IGSF11: variants seen among roughly 807,000 people sequenced by gnomAD.
IGSF11 encodes the protein immunoglobulin superfamily member 11.
A neutral mutation model predicts 41.0 loss-of-function variants in IGSF11; 22 were observed. The observed-to-expected ratio is 0.54, with a 90% CI of 0.38 to 0.77. The LOEUF is 0.77. Ranked by LOEUF, IGSF11 falls within the 30% of genes least tolerant of loss-of-function variation. The probability of loss-of-function intolerance (pLI) is 0.00; values close to 1 mark genes in which losing one functional copy is unlikely to be tolerated. For missense variants in IGSF11, 444 were observed against 530.8 expected, an observed-to-expected ratio of 0.84 and a Z score of 1.61; for synonymous variants, 219 against 201.3, an observed-to-expected ratio of 1.09 and a Z score of -0.74.
At chr3:118,977,544 G>A (rs1482317239) in intron 1 of IGSF11, among the ~76,000 whole-genome samples, 1 of 152,184 alleles carries the variant, frequency 6.6e-6, no homozygotes, top group Admixed American at 6.5e-5. Flanking sequence ...TCATCCAAGA[G>A]AGAACACTGA....
chr3:119,020,522 C>T (rs1939186187), intron 1 of IGSF11, among the ~76,000 whole-genome samples: 1 of 152,226 alleles, frequency 6.6e-6, no homozygotes, highest in Non-Finnish European at 1.5e-5. Flanking sequence ...TAACACATTA[C>T]ACCATAATGA....
intron 1 of IGSF11, among the ~76,000 whole-genome samples, chr3:119,022,849 T>C (rs1413214502): frequency 1.3e-5 from 2 of 152,128 alleles, no homozygotes; most frequent in African/African-American, 4.8e-5. Flanking sequence ...TAAAGTTAAA[T>C]ATATGCAATT....
intron 1 of IGSF11, among the ~76,000 whole-genome samples, chr3:118,961,893 G>C (rs374659381): frequency 6.6e-6 from 1 of 152,214 alleles, no homozygotes; most frequent in Non-Finnish European, 1.5e-5. Flanking sequence ...CAATAGCTAC[G>C]TAATATATGT....
Position 119,047,218 on chromosome 3 carries a change from C to G in IGSF11, c.49+57926G>C, listed in dbSNP as rs544458959. On this transcript the variant is annotated intron_variant, in intron 1 of 6. Transcript: ENST00000354673. ...CACACTGGCAAATTGGATAAAGAGT[C>G]AAGACCCATCAGTGTGCTGTATTCA... 2.6e-5 allele frequency among the ~76,000 whole-genome samples: 4 copies of G among 151,560 alleles called. 1 individual carries two copies. The highest frequency in any genetic ancestry group is 4.2e-4 in the South Asian group (2 of 4,766).
chr3:118,941,278 A>T (rs1407793801), intron 1 of IGSF11, among the ~76,000 whole-genome samples: 1 of 152,152 alleles, frequency 6.6e-6, no homozygotes, highest in Non-Finnish European at 1.5e-5. Flanking sequence ...CTTAAAATTC[A>T]ACAAAACAAA....
At chr3:118,977,118 A>C (rs1934201862) in intron 1 of IGSF11, among the ~76,000 whole-genome samples, 1 of 152,218 alleles carries the variant, frequency 6.6e-6, no homozygotes, top group Non-Finnish European at 1.5e-5. Flanking sequence ...TGCTTTGAGA[A>C]AATGGCAGCA....
chr3:119,134,221 C>T (rs1164821932), intron 1 of IGSF11, among the ~76,000 whole-genome samples: 2 of 152,122 alleles, frequency 1.3e-5, no homozygotes, highest in African/African-American at 2.4e-5. Flanking sequence ...CCAAGGCAAT[C>T]AGGCAGGAGA....
At chr3:119,025,108 A>G (rs543723239) in intron 1 of IGSF11, among the ~76,000 whole-genome samples, 11 of 152,344 alleles carry the variant, frequency 7.2e-5, no homozygotes, top group African/African-American at 2.4e-4. Flanking sequence ...AGAAATTACT[A>G]TAACATTTTA....
chr3:119,015,028 A>G (rs1938538447), intron 1 of IGSF11, among the ~76,000 whole-genome samples: 1 of 151,870 alleles, frequency 6.6e-6, no homozygotes, highest in Non-Finnish European at 1.5e-5. Flanking sequence ...TAAACAGTTC[A>G]AACAGAACAA....
intron 1 of IGSF11, among the ~76,000 whole-genome samples, chr3:119,102,604 A>G (rs2076954616): frequency 6.6e-6 from 1 of 152,206 alleles, no homozygotes; most frequent in Admixed American, 6.5e-5. Flanking sequence ...TGAATTATAT[A>G]TTCAAATATT....
At chr3:119,125,950 A>G (rs2077399224) in intron 1 of IGSF11, among the ~76,000 whole-genome samples, 1 of 152,228 alleles carries the variant, frequency 6.6e-6, no homozygotes, top group Non-Finnish European at 1.5e-5. Context: ...CTAGCATCCC[A>G]GTCCTGGAAT....
intron 1 of IGSF11, among the ~76,000 whole-genome samples, chr3:119,054,537 T>C (rs1941745956): frequency 6.6e-6 from 1 of 152,156 alleles, no homozygotes; most frequent in Non-Finnish European, 1.5e-5. Context: ...ATAATAAATG[T>C]TGGCATGGAT....
chr3:119,033,439 G>A (rs1424159458), intron 1 of IGSF11, among the ~76,000 whole-genome samples: 1 of 152,188 alleles, frequency 6.6e-6, no homozygotes, highest in African/African-American at 2.4e-5. Flanking sequence ...TATACCTACT[G>A]AACTCTAGAA....
chr3:118,987,728 G>A (rs1935400700), intron 1 of IGSF11, among the ~76,000 whole-genome samples: 2 of 152,218 alleles, frequency 1.3e-5, no homozygotes, highest in Non-Finnish European at 2.9e-5. Context: ...GCCTTGGCAG[G>A]GCTGGACAGT....
At chr3:119,083,205 G>T (rs1196649479) in intron 1 of IGSF11, among the ~76,000 whole-genome samples, 2 of 145,684 alleles carry the variant, frequency 1.4e-5, no homozygotes, top group African/African-American at 5.2e-5. Flanking sequence ...TGATCTTGCT[G>T]CGGCCTCGAC....
chr3:118,936,422 G>A (rs908870395), intron 1 of IGSF11, among the ~76,000 whole-genome samples: 12 of 151,248 alleles, frequency 7.9e-5, no homozygotes, highest in African/African-American at 2.7e-4. Flanking sequence ...CAGGAGAGTC[G>A]CTTTAACCTG....
At chr3:119,108,757 C>T (rs1458580361), upstream of IGSF11, among the ~76,000 whole-genome samples, 546 of 142,088 alleles carry the variant, frequency 3.8e-3, 10 homozygotes, top group African/African-American at 0.013. Context: ...TTTTGAGATA[C>T]GTCCCATCAA....
At chr3:118,941,727 T>A (rs889069084) in intron 1 of IGSF11, among the ~76,000 whole-genome samples, 1 of 152,068 alleles carries the variant, frequency 6.6e-6, no homozygotes, top group Non-Finnish European at 1.5e-5. Context: ...CAAATGCCCA[T>A]CAACTTGCAA....
intron 1 of IGSF11, among the ~76,000 whole-genome samples, chr3:119,044,966 T>C (rs1417779721): frequency 6.6e-6 from 1 of 151,952 alleles, no homozygotes; most frequent in Non-Finnish European, 1.5e-5. Flanking sequence ...AGCACAAATC[T>C]CACAGGACCT....
Sources: allele counts gnomAD v4.1 joint callset (sites outside exome capture counted in the v4.1 genomes callset), GRCh38; gene constraint gnomAD v4.1.1; transcripts MANE v1.5; gene names NCBI Gene and HGNC (gene_info 2026-07-23, HGNC 2026-07-21).